The following POF1B variants were observed in gnomAD, a reference collection of about 807,000 sequenced individuals.
POF1B encodes the protein POF1B actin binding protein.
Under a neutral mutation model 55.3 loss-of-function variants are expected in POF1B, and 53 were observed. The ratio of observed to expected loss-of-function variants is 0.96; its 90% CI spans 0.77 to 1.20. The LOEUF (loss-of-function observed/expected upper bound fraction) is 1.20, where lower values mean the gene tolerates loss of function less well. Among genes scored for constraint, POF1B ranks in the 50% most tolerant of loss-of-function variants. POF1B has a pLI of 0.00. For missense variants in POF1B, 478 were observed against 420.5 expected (o/e 1.14, Z -1.20); for synonymous variants, 188 against 148.3 (o/e 1.27, Z -1.95).
chrX:85,342,699 TTAACTC>T (rs972667835), intron 6 of POF1B, among the ~76,000 whole-genome samples: 1 of 111,472 alleles, frequency 9.0e-6, no homozygotes, highest in Admixed American at 9.6e-5. Flanking sequence ...AAATTACAGT[TTAACTC>T]TAAACACAAA....
intron 7 of POF1B, among the ~76,000 whole-genome samples, chrX:85,327,892 A>G (rs1368610833): frequency 3.6e-5 from 4 of 112,389 alleles, no homozygotes. Flanking sequence ...AGCACTTAAT[A>G]TCAGAATTTT....
At chrX:85,289,375 A>G (rs1199555255) in intron 15 of POF1B, among the ~76,000 whole-genome samples, 2 of 112,089 alleles carry the variant, frequency 1.8e-5, no homozygotes, top group Non-Finnish European at 3.8e-5. Flanking sequence ...AGGTTCATAC[A>G]TGGCAGTCTG....
At chrX:85,358,463 C>A (rs1933544523) in intron 4 of POF1B, among the ~76,000 whole-genome samples, 1 of 110,709 alleles carries the variant, frequency 9.0e-6, no homozygotes, top group Admixed American at 9.7e-5. Flanking sequence ...AGCAGGAGCT[C>A]CACAACTGGA....
intron 7 of POF1B, among the ~76,000 whole-genome samples, chrX:85,325,643 T>C (rs904706511): frequency 8.9e-6 from 1 of 112,027 alleles, no homozygotes; most frequent in Non-Finnish European, 1.9e-5. Flanking sequence ...ATGATCTTTG[T>C]TCCTATCCAT....
At chrX:85,303,101 T>A (rs1034563189) in intron 15 of POF1B, among the ~76,000 whole-genome samples, 1 of 111,670 alleles carries the variant, frequency 9.0e-6, no homozygotes. Flanking sequence ...AAAGTCCCAG[T>A]TTACATTGGG....
Position 85,330,826 on chromosome X carries a change from AT to A in POF1B, c.854+122del, listed in dbSNP as rs1279302861. Reference sequence around the variant, plus strand: ...AGAACTTAAAGTATAATTAAAAAAAATAAAATAGAAAGTACTAGAGTTTTTG... The same window carrying A: ...AGAACTTAAAGTATAATTAAAAAAAAAAAATAGAAAGTACTAGAGTTTTTG... On this transcript the variant is annotated intron_variant, in intron 7 of 16. Coordinates refer to ENST00000262753, the MANE Select transcript of POF1B (RefSeq NM_024921.4). 1.1e-5 allele frequency: 7 copies of A among 663,268 alleles called. No homozygotes were observed. The Admixed American group carries it at 1.5e-4, about 14-fold the overall frequency. The allele number at this position is 663,268 out of a possible 1,213,427, so 54.7% of individuals were successfully genotyped here. A position where few individuals can be genotyped will look rare whatever the true frequency, so the allele number is the denominator to read the frequency against.
intron 4 of POF1B, among the ~76,000 whole-genome samples, chrX:85,356,679 T>C (rs1272893698): frequency 9.0e-6 from 1 of 111,527 alleles, no homozygotes; most frequent in Non-Finnish European, 1.9e-5. Flanking sequence ...TCAGACGTTT[T>C]AGATGTCTCA....
chrX:85,285,415 T>A (rs1382061424), intron 15 of POF1B, among the ~76,000 whole-genome samples: 1 of 110,765 alleles, frequency 9.0e-6, no homozygotes, highest in East Asian at 2.8e-4. Context: ...TGTCCATCAA[T>A]GATAGACTGG....
chrX:85,354,573 A>C (rs1288815386), intron 4 of POF1B, among the ~76,000 whole-genome samples: 1 of 111,362 alleles, frequency 9.0e-6, no homozygotes, highest in African/African-American at 3.3e-5. Flanking sequence ...ATCTCAGCCC[A>C]AAATCTCCTT....
intron 16 of POF1B, among the ~76,000 whole-genome samples, chrX:85,280,756 A>C (rs1380850327): frequency 9.0e-6 from 1 of 111,337 alleles, no homozygotes; most frequent in Non-Finnish European, 1.9e-5. Context: ...CACCAGAAGG[A>C]TATCACACAT....
At chrX:85,311,948 T>A (rs749023396) in intron 9 of POF1B, among the ~76,000 whole-genome samples, 2 of 112,352 alleles carry the variant, frequency 1.8e-5, no homozygotes, top group Non-Finnish European at 3.8e-5. Context: ...CATTTTTTCA[T>A]GTTTGTTGGC....
At chrX:85,281,730 AAT>A (rs201694289) in intron 16 of POF1B, among the ~76,000 whole-genome samples, 5 of 106,108 alleles carry the variant, frequency 4.7e-5, no homozygotes, top group Non-Finnish European at 7.7e-5. Flanking sequence ...TAATATATAT[AAT>A]ATATATATAT....
chrX:85,314,513 G>GA lies in POF1B; in HGVS notation c.883-8dup. On this transcript the variant is annotated splice_polypyrimidine_tract_variant and splice_region_variant and intron_variant, in intron 8 of 16. Coordinates refer to ENST00000262753, the MANE Select transcript of POF1B (RefSeq NM_024921.4). ...ATGATTCAATGTCTTCCGACTGTAA[G>GA]AAAAAAAGGCTTATCCATGGAACAG... is the stretch of plus-strand genomic sequence containing the variant. 7 of 1,170,114 alleles carry GA rather than the reference G, an allele frequency of 6.0e-6. No individual in the cohort carries two copies. Among genetic ancestry groups the GA allele is most frequent in the Non-Finnish European group, 8.0e-6 (7 of 873,159 alleles).
chrX:85,332,707 A>G (rs920739340), intron 6 of POF1B, among the ~76,000 whole-genome samples: 2 of 111,513 alleles, frequency 1.8e-5, no homozygotes, highest in Non-Finnish European at 3.8e-5. Flanking sequence ...CATTTGTGAC[A>G]CAAAAATCAG....
intron 7 of POF1B, 140 bp from the exon 8 acceptor site, chrX:85,315,874 G>T (rs1028185112): frequency 1.2e-4 from 57 of 471,301 alleles, no homozygotes; most frequent in Non-Finnish European, 1.9e-5. Context: ...AAGTGAAAAT[G>T]TTAAAACTAA....
intron 7 of POF1B, among the ~76,000 whole-genome samples, chrX:85,319,964 A>T (rs1326092370): frequency 9.0e-6 from 1 of 110,539 alleles, no homozygotes; most frequent in African/African-American, 3.3e-5. Context: ...TTCCTTATAC[A>T]TTTGGTAGAA....
At position 85,307,198 on chromosome X, in the gene POF1B, A is replaced by G. The variant is rs1932592676; in HGVS notation, c.1129T>C (p.Leu377=). ...DTQLKEYEEL[L]ASVRANNHQQ... is the part of the protein sequence containing the mutation. ...TGATTATTTGCTCTCACTGATGCCA[A>G]GAGTTCTTCGTACTCTTTTAATTGA... The change falls in exon 11 of 17, where the codon TTG becomes CTG. Residue 377 remains leucine (L), a synonymous_variant. Transcript: ENST00000262753. 3 of 1,207,930 alleles carry G rather than the reference A, an allele frequency of 2.5e-6. No homozygotes were observed. Among genetic ancestry groups the G allele is most frequent in the Non-Finnish European group, 3.4e-6 (3 of 893,504 alleles).
chrX:85,360,527 G>GTA (rs142665633), intron 3 of POF1B, among the ~76,000 whole-genome samples: 4,810 of 58,333 alleles, frequency 0.082, 190 homozygotes, highest in Non-Finnish European at 0.095. Flanking sequence ...TCCATGGTAT[G>GTA]TATATATATA....
intron 15 of POF1B, among the ~76,000 whole-genome samples, chrX:85,299,703 T>C (rs1452926047): frequency 9.3e-6 from 1 of 107,107 alleles, no homozygotes; most frequent in Non-Finnish European, 1.9e-5. Context: ...AGAGACGGGG[T>C]TTCACCATGT....
Sources: allele counts gnomAD v4.1 joint callset (sites outside exome capture counted in the v4.1 genomes callset), GRCh38; gene constraint gnomAD v4.1.1; transcripts MANE v1.5; gene names NCBI Gene and HGNC (gene_info 2026-07-23, HGNC 2026-07-21).